Variants in ZNF16 observed in about 807,000 individuals in gnomAD.
The protein encoded by ZNF16 is zinc finger protein KOX9.
ZNF16 carries 7 observed loss-of-function variants against 9.0 expected under a neutral mutation model. That is an observed-to-expected ratio of 0.78 (90% CI 0.44 to 1.47). The LOEUF is 1.47. Ranked by LOEUF, ZNF16 falls within the 40% of genes most tolerant of loss-of-function variation. The pLI, the probability that ZNF16 is intolerant of heterozygous loss-of-function variation, is 0.01. For synonymous variants in ZNF16, 312 were observed against 301.5 expected, an observed-to-expected ratio of 1.03 and a Z score of -0.36; for missense variants, 830 against 854.2, an observed-to-expected ratio of 0.97 and a Z score of 0.35.
At chr8:144,942,919 T>C (rs1430556714) in intron 2 of ZNF16, among the ~76,000 whole-genome samples, 2 of 152,238 alleles carry the variant, frequency 1.3e-5, no homozygotes, top group African/African-American at 2.4e-5. Context: ...TACTTACCTA[T>C]GTAGTTACTT....
chr8:144,937,502 A>AT (rs1009955860), intron 2 of ZNF16, among the ~76,000 whole-genome samples: 1 of 139,856 alleles, frequency 7.2e-6, no homozygotes, highest in Admixed American at 6.8e-5. Flanking sequence ...CAATTTATTT[A>AT]TTTTTTTCTT....
intron 2 of ZNF16, among the ~76,000 whole-genome samples, chr8:144,943,406 T>C (rs1336811010): frequency 6.6e-6 from 1 of 152,222 alleles, no homozygotes; most frequent in African/African-American, 2.4e-5. Flanking sequence ...CTCTCAGCCA[T>C]TATTTCTTCA....
At chr8:144,942,636 G>A (rs1301530329) in intron 2 of ZNF16, among the ~76,000 whole-genome samples, 2 of 152,088 alleles carry the variant, frequency 1.3e-5, no homozygotes, top group Non-Finnish European at 2.9e-5. Flanking sequence ...TGCAATGAAC[G>A]TTCTAACATC....
Position 144,931,269 on chromosome 8 carries a change from CTGAA to C in ZNF16, c.1514_1517del (p.Ile505SerfsTer65). 6.2e-7 allele frequency: 1 copy of C among 1,614,050 alleles called. No homozygotes were observed. Among genetic ancestry groups the C allele is most frequent in the Non-Finnish European group, 8.5e-7 (1 of 1,179,996 alleles). On this transcript the variant is annotated frameshift_variant, in exon 3 of 3. Transcript: ENST00000394909. LOFTEE classifies it low-confidence loss of function (END_TRUNC). Reference sequence around the variant, plus strand: ...TGTCGCCTGTGTGCACGCCCTGGTGCTGAATGAGGGCTGAGCTGTGGCTGAAGGC... The same window carrying C: ...TGTCGCCTGTGTGCACGCCCTGGTGCTGAGGGCTGAGCTGTGGCTGAAGGC...
intron 2 of ZNF16, among the ~76,000 whole-genome samples, chr8:144,934,432 T>G (rs1485360184): frequency 6.6e-6 from 1 of 152,242 alleles, no homozygotes; most frequent in East Asian, 1.9e-4. Flanking sequence ...TGTTATACAC[T>G]CCACATGGGC....
rs1763175628 is a variant in ZNF16 at position 144,931,140 on chromosome 8, T to G, written c.1647A>C (p.Glu549Asp). The G allele has an allele frequency of 1.9e-6, 3 of 1,614,028 alleles. No homozygotes were observed. Among genetic ancestry groups the G allele is most frequent in the African/African-American group, 1.3e-5 (1 of 74,918 alleles). The change falls in exon 3 of 3, where the codon GAA becomes GAC. Residue 549 changes from glutamate (E) to aspartate (D), a missense_variant. Transcript: ENST00000394909. ...HTGEKPYECT[E>D]CGKTFSQSST... is the part of the protein sequence containing the mutation. ...AGCTCTGGCTGAAGGTTTTTCCACA[T>G]TCAGTACATTCATAGGGCTTCTCTC...
chr8:144,946,224 C>G lies in ZNF16; in HGVS notation c.-9-9G>C, dbSNP rs368320501. 3.3e-6 allele frequency: 5 copies of G among 1,500,736 alleles called. No individual in the cohort carries two copies. Among genetic ancestry groups the G allele is most frequent in the Non-Finnish European group, 4.5e-6 (5 of 1,119,882 alleles). 93.0% of individuals were successfully genotyped at this position (1,500,736 alleles called of 1,614,324 possible). The stretch of plus-strand genomic sequence containing the variant: ...CTGGGCATGACAAGGACCTGAAAAC[C>G]GGCAAGAACACAGGTGAGTCTACAG... On this transcript the variant is annotated splice_polypyrimidine_tract_variant and intron_variant, in intron 1 of 2. Transcript: ENST00000394909.
chr8:144,937,137 C>CTTTTTTT lies in ZNF16; in HGVS notation c.197-4548_197-4547insAAAAAAA, dbSNP rs1554659152. On this transcript the variant is annotated intron_variant, in intron 2 of 2. Transcript: ENST00000394909. ...GCAGGATGCTTTTTTCACTTTCTTT[C>CTTTTTTT]TCTCTCTTTTTTTTTTTTTTTTTTT... Among the ~76,000 whole-genome samples, 32 of 112,976 alleles carry CTTTTTTT rather than the reference C, an allele frequency of 2.8e-4. 2 individuals carry two copies. Among genetic ancestry groups the CTTTTTTT allele is most frequent in the Non-Finnish European group, 3.3e-4 (17 of 52,020 alleles). The allele number at this position is 112,976 out of a possible 152,430, so 74.1% of individuals were successfully genotyped here. A position where few individuals can be genotyped will look rare whatever the true frequency, so the allele number is the denominator to read the frequency against.
At chr8:144,942,422 G>GAGTGCAGTGGTGT (rs1297814747) in intron 2 of ZNF16, among the ~76,000 whole-genome samples, 2 of 151,788 alleles carry the variant, frequency 1.3e-5, no homozygotes, top group Non-Finnish European at 2.9e-5. Context: ...TGAGTAGCTG[G>GAGTGCAGTGGTGT]GATTACAGGT....
At chr8:144,949,028 C>G (rs557459119) in intron 1 of ZNF16, among the ~76,000 whole-genome samples, 45 of 152,378 alleles carry the variant, frequency 3.0e-4, no homozygotes, top group Admixed American at 2.0e-3. Flanking sequence ...TGGCAGCCAG[C>G]ACTTCTGAGG....
intron 2 of ZNF16, among the ~76,000 whole-genome samples, chr8:144,936,423 A>G (rs569062697): frequency 1.3e-5 from 2 of 152,322 alleles, no homozygotes; most frequent in African/African-American, 2.4e-5. Context: ...TCTTGAGTAT[A>G]TATCTAGGAG....
rs759687865 is a variant in ZNF16, at chr8:144,931,974, C to T, written c.813G>A (p.Gly271=). 3.7e-6 allele frequency: 6 copies of T among 1,613,692 alleles called. No individual in the cohort carries two copies. The Admixed American group carries it at 8.3e-5, about 22-fold the overall frequency. Reference sequence around the variant, plus strand: ...AGTCTGAGTGCCCTCGGAAGGCTTTCCCACATTCGCTGCACTGGTAAGCTT... The same window carrying T: ...AGTCTGAGTGCCCTCGGAAGGCTTTTCCACATTCGCTGCACTGGTAAGCTT... ...SEKAYQCSEC[G]KAFRGHSDFS... is the part of the protein sequence containing the mutation. Residue 271 remains glycine (G), a synonymous_variant, in exon 3 of 3, where the codon GGG becomes GGA. Coordinates refer to ENST00000394909, the MANE Select transcript of ZNF16 (RefSeq NM_006958.3).
chr8:144,945,910 T>C (rs2130050311), intron 2 of ZNF16, 101 bp downstream of exon 2: 1 of 1,520,598 alleles, frequency 6.6e-7, no homozygotes, highest in Non-Finnish European at 8.9e-7. Context: ...TCACCCTCCC[T>C]ACCTGTGATG....
At position 144,930,845 on chromosome 8, in the gene ZNF16, G is replaced by C. The variant is rs146732647; in HGVS notation, c.1942C>G (p.Gln648Glu). 47 of 1,599,602 alleles carry C rather than the reference G, an allele frequency of 2.9e-5. No homozygotes were observed. In the African/African-American group the frequency reaches 5.6e-4, roughly 19 times the overall value. The part of the protein sequence containing the change: ...FSQRSVLIQH[Q>E]RIHTGVKPYD... The stretch of plus-strand genomic sequence containing the variant: ...GGCTTCACCCCAGTGTGAATCCTCT[G>C]GTGCTGGATGAGGACCGAACGCTGA... The change falls in exon 3 of 3, where the codon CAG (glutamine) becomes GAG (glutamate). Residue 648 changes from glutamine (Q) to glutamate (E), a missense_variant. Transcript: ENST00000394909.
At chr8:144,942,713 C>A (rs964903969) in intron 2 of ZNF16, among the ~76,000 whole-genome samples, 18 of 152,158 alleles carry the variant, frequency 1.2e-4, no homozygotes, top group African/African-American at 4.1e-4. Flanking sequence ...GATGTTACCC[C>A]CCTTATGTTG....
chr8:144,931,039 T>A lies in ZNF16; in HGVS notation c.1748A>T (p.Asn583Ile), dbSNP rs781292246. The A allele has an allele frequency of 1.2e-6, 2 of 1,614,118 alleles. No individual in the cohort carries two copies. Among genetic ancestry groups the A allele is most frequent in the East Asian group, 2.2e-5 (1 of 44,878 alleles). ...HECNQCGKAF[N>I]RSSNLIHHQK... ...GTGGTGAATGAGATTTGAGCTTCGG[T>A]TGAAGGCTTTACCACACTGGTTACA... Residue 583 changes from asparagine (N) to isoleucine (I), a missense_variant, in exon 3 of 3, where the codon AAC (asparagine) becomes ATC (isoleucine). By Grantham distance (149) the Asn-to-Ile change is moderately radical (BLOSUM62 -3). Transcript: ENST00000394909.
intron 1 of ZNF16, chr8:144,947,809 CCT>C (rs1333401340): frequency 1.3e-5 from 2 of 152,488 alleles, no homozygotes; most frequent in Admixed American, 6.5e-5. Context: ...CTAACTACTC[CCT>C]GTGAGCAGGA....
At chr8:144,936,219 CAG>C (rs770984731) in intron 2 of ZNF16, among the ~76,000 whole-genome samples, 1 of 152,192 alleles carries the variant, frequency 6.6e-6, no homozygotes, top group Non-Finnish European at 1.5e-5. Context: ...CGGCACATCT[CAG>C]AGGTTTATCC....
At chr8:144,949,487 G>A (rs201864713) in intron 1 of ZNF16, among the ~76,000 whole-genome samples, 5 of 152,236 alleles carry the variant, frequency 3.3e-5, no homozygotes, top group East Asian at 1.9e-4. Context: ...TACTGTGTCT[G>A]TGTAGAAAAG....
Sources: gnomAD v4.1 joint callset for allele counts (sites outside exome capture counted in the v4.1 genomes callset) on GRCh38, gnomAD v4.1.1 for gene constraint, MANE v1.5 for transcripts, NCBI Gene and HGNC (gene_info 2026-07-23, HGNC 2026-07-21) for gene names.